Variants in TMEM71 observed in about 807,000 individuals in gnomAD.
TMEM71 encodes transmembrane protein 71.
TMEM71 carries 44 observed loss-of-function variants against 38.0 expected under a neutral mutation model. The ratio of observed to expected loss-of-function variants is 1.16; its 90% CI spans 0.91 to 1.49. The LOEUF (loss-of-function observed/expected upper bound fraction) is 1.49. TMEM71 is among the 40% of genes most tolerant of loss of function. TMEM71 has a pLI of 0.00. For synonymous variants in TMEM71, 133 were observed against 122.5 expected (o/e 1.09, Z -0.56); for missense variants, 367 against 348.6 (o/e 1.05, Z -0.42).
intron 6 of TMEM71, among the ~76,000 whole-genome samples, chr8:132,725,150 A>G (rs1827072089): frequency 1.3e-5 from 2 of 150,430 alleles, no homozygotes; most frequent in South Asian, 2.1e-4. Context: ...TGATTCTCCC[A>G]CCTCAGCTTC....
chr8:132,758,263 T>G (rs944164668), intron 2 of TMEM71: 1 of 152,278 alleles, frequency 6.6e-6, no homozygotes, highest in Non-Finnish European at 1.5e-5. Context: ...AGCAGAATTT[T>G]ATCGTGTGCA....
At chr8:132,721,708 G>A (rs1289836114) in intron 7 of TMEM71, among the ~76,000 whole-genome samples, 1 of 151,862 alleles carries the variant, frequency 6.6e-6, no homozygotes, top group Non-Finnish European at 1.5e-5. Flanking sequence ...CACCACGCCT[G>A]GCTAATTTCA....
chr8:132,741,150 G>A (rs1014741648), intron 5 of TMEM71, among the ~76,000 whole-genome samples: 1 of 152,094 alleles, frequency 6.6e-6, no homozygotes, highest in African/African-American at 2.4e-5. Context: ...GGATCACGAG[G>A]TCAGGAGATC....
chr8:132,746,962 G>T lies in TMEM71; in HGVS notation c.467C>A (p.Thr156Lys), dbSNP rs1424953883. Reference protein sequence around the residue: ...NWLKGTRRLDTDHCNGNADDL... With the variant: ...NWLKGTRRLDKDHCNGNADDL... The stretch of plus-strand genomic sequence containing the variant: ...CTCACCATTTCCATTGCAATGGTCT[G>T]TGTCCAACCTCCTGGTCCCCTTCAA... The change falls in exon 5 of 10, where the codon ACA becomes AAA. Residue 156 changes from threonine to lysine, a missense_variant. Thr to Lys is a moderately conservative substitution (Grantham distance 78). Coordinates refer to ENST00000677595, the MANE Select transcript of TMEM71 (RefSeq NM_001382403.1). The T allele has an allele frequency of 3.7e-6, 6 of 1,606,874 alleles. No homozygotes were observed. The highest frequency in any genetic ancestry group is 5.1e-6 in the Non-Finnish European group (6 of 1,177,942).
chr8:132,758,778 A>G, intron 2 of TMEM71, 62 bp downstream of exon 2: 1 of 1,448,480 alleles, frequency 6.9e-7, no homozygotes, highest in Non-Finnish European at 9.7e-7. Context: ...AAGCAAGGAA[A>G]TTGCTAAAAG....
intron 9 of TMEM71, among the ~76,000 whole-genome samples, chr8:132,713,660 C>T (rs1284832016): frequency 6.6e-6 from 1 of 152,150 alleles, no homozygotes; most frequent in African/African-American, 2.4e-5. Context: ...AGTTTGCCAG[C>T]TATTTGGGAA....
Position 132,747,058 on chromosome 8 carries a change from C to CT in TMEM71, c.370dup (p.Ser124LysfsTer14), listed in dbSNP as rs1828431455. On this transcript the variant is annotated frameshift_variant, in exon 5 of 10. Transcript: ENST00000677595. LOFTEE classifies it high-confidence loss of function. ...TCCATGCAGCCAAGATTTGGAGGTACTGAGGTTGAAGAGAGAAGAAAAGGA... is the reference window on the plus strand; with the variant it reads ...TCCATGCAGCCAAGATTTGGAGGTACTTGAGGTTGAAGAGAGAAGAAAAGGA... 6.2e-7 allele frequency: 1 copy of CT among 1,613,442 alleles called. No homozygotes were observed. Among genetic ancestry groups the CT allele is most frequent in the African/African-American group, 1.3e-5 (1 of 74,876 alleles).
chr8:132,771,400 C>T, the TMEM71 span, among the ~76,000 whole-genome samples: 1 of 152,102 alleles, frequency 6.6e-6, no homozygotes, highest in African/African-American at 2.4e-5. Flanking sequence ...CTGAAATAGA[C>T]ATACATATTT....
At chr8:132,708,325 A>T (rs1826124419), downstream of TMEM71, among the ~76,000 whole-genome samples, 1 of 152,046 alleles carries the variant, frequency 6.6e-6, no homozygotes, top group Non-Finnish European at 1.5e-5. Context: ...TATACTCTCC[A>T]CTCCAAGTAG....
chr8:132,756,993 T>C (rs1335717389), intron 3 of TMEM71, among the ~76,000 whole-genome samples: 3 of 151,072 alleles, frequency 2.0e-5, no homozygotes, highest in African/African-American at 7.3e-5. Context: ...TTCACGTCAT[T>C]CTCCCGCCTC....
chr8:132,775,774 C>T, the TMEM71 span: 2 of 245,702 alleles, frequency 8.1e-6, no homozygotes, highest in Non-Finnish European at 1.5e-5. Flanking sequence ...CTCGCCGGCC[C>T]TATTGTCTGG....
At chr8:132,763,197 T>G (rs557805355), upstream of TMEM71, among the ~76,000 whole-genome samples, 1 of 152,326 alleles carries the variant, frequency 6.6e-6, no homozygotes, top group East Asian at 1.9e-4. Context: ...CCTGCTTTAT[T>G]CTTCTCCTTA....
At chr8:132,761,306 G>A (rs934970521), upstream of TMEM71, among the ~76,000 whole-genome samples, 1 of 152,152 alleles carries the variant, frequency 6.6e-6, no homozygotes, top group Non-Finnish European at 1.5e-5. Flanking sequence ...TCAGATTTGT[G>A]ACTTACCCCT....
rs1172559680 is a variant in TMEM71 at position 132,746,422 on chromosome 8, T to TATATACATATAC, written c.487+519_487+520insGTATATGTATAT. Among the ~76,000 whole-genome samples, 12 of 19,168 alleles carry TATATACATATAC rather than the reference T, an allele frequency of 6.3e-4. 1 individual carries two copies. In the East Asian group the frequency reaches 9.5e-3, roughly 15 times the overall value. The allele number at this position is 19,168 out of a possible 152,430, so 12.6% of individuals were successfully genotyped here. A position where few individuals can be genotyped will look rare whatever the true frequency, so the allele number is the denominator to read the frequency against. On this transcript the variant is annotated intron_variant, in intron 5 of 9. Coordinates refer to ENST00000677595, the MANE Select transcript of TMEM71 (RefSeq NM_001382403.1). ...ATACATATATATATACACACACATA[T>TATATACATATAC]ATATACATATATATATACATATACA...
intron 5 of TMEM71, among the ~76,000 whole-genome samples, chr8:132,735,458 G>A (rs1827695606): frequency 1.3e-5 from 2 of 152,172 alleles, no homozygotes; most frequent in African/African-American, 4.8e-5. Flanking sequence ...AAGTCACGGG[G>A]CCTTGGGTAA....
intron 5 of TMEM71, 23 bp from the exon 6 acceptor site, chr8:132,728,009 T>G: frequency 2.0e-6 from 3 of 1,514,928 alleles, no homozygotes; most frequent in African/African-American, 4.0e-5. Flanking sequence ...AGGGGTTCAG[T>G]GTGAGTGTGT....
upstream of TMEM71, among the ~76,000 whole-genome samples, chr8:132,762,596 A>G (rs1240611561): frequency 1.3e-5 from 2 of 152,182 alleles, no homozygotes; most frequent in Non-Finnish European, 2.9e-5. Context: ...GTCTTTCCAC[A>G]TATCAACACA....
At chr8:132,760,618 CTT>C (rs1211498050), upstream of TMEM71, 2 of 152,262 alleles carry the variant, frequency 1.3e-5, no homozygotes, top group African/African-American at 4.8e-5. Context: ...TACAACTTCT[CTT>C]GTTTTCTTTT....
intron 1 of TMEM71, chr8:132,759,279 A>T (rs752391719): frequency 6.2e-6 from 1 of 160,892 alleles, no homozygotes. Context: ...ACAGTCATTT[A>T]GCCCCAAAAC....
Sources: allele counts gnomAD v4.1 joint callset (sites outside exome capture counted in the v4.1 genomes callset), GRCh38; gene constraint gnomAD v4.1.1; transcripts MANE v1.5; gene names NCBI Gene and HGNC (gene_info 2026-07-23, HGNC 2026-07-21).